TEKTL1: variants seen among roughly 807,000 people sequenced by gnomAD.
TEKTL1 encodes the protein tektin-like protein 1.
the TEKTL1 span, among the ~76,000 whole-genome samples, chr19:15,015,072 C>T: frequency 6.6e-6 from 1 of 152,236 alleles, no homozygotes; most frequent in African/African-American, 2.4e-5. Context: ...TGCCTGCAGT[C>T]CCTATTCAGG....
the TEKTL1 span, among the ~76,000 whole-genome samples, chr19:15,017,783 C>T: frequency 6.6e-6 from 1 of 152,262 alleles, no homozygotes; most frequent in East Asian, 1.9e-4. Flanking sequence ...GTTGCTGTCT[C>T]TTACTGCTCC....
At chr19:15,018,718 ATG>A in the TEKTL1 span, among the ~76,000 whole-genome samples, 287 of 109,744 alleles carry the variant, frequency 2.6e-3, 44 homozygotes, top group African/African-American at 8.4e-3. Flanking sequence ...ATCTCAAAAT[ATG>A]TATATATATA....
At chr19:15,018,504 T>C in the TEKTL1 span, among the ~76,000 whole-genome samples, 1 of 150,298 alleles carries the variant, frequency 6.7e-6, no homozygotes, top group Non-Finnish European at 1.5e-5. Context: ...AGCCCAGGAG[T>C]TTGAGACAAG....
the TEKTL1 span, among the ~76,000 whole-genome samples, chr19:15,022,489 C>A: frequency 6.6e-6 from 1 of 151,936 alleles, no homozygotes; most frequent in Non-Finnish European, 1.5e-5. Flanking sequence ...CCACCACACC[C>A]GGCTAATTTT....
chr19:15,011,756 T>G, the TEKTL1 span, among the ~76,000 whole-genome samples: 1 of 135,842 alleles, frequency 7.4e-6, no homozygotes, highest in African/African-American at 2.8e-5. Context: ...AAAAAAATAT[T>G]TCCATAGAGA....
the TEKTL1 span, chr19:15,020,559 G>A: frequency 3.1e-6 from 5 of 1,614,090 alleles, no homozygotes; most frequent in South Asian, 5.5e-5. Context: ...TTCTGGAGCA[G>A]GCCAGACGCC....
At chr19:15,023,085 C>T in the TEKTL1 span, 4 of 1,608,272 alleles carry the variant, frequency 2.5e-6, no homozygotes, top group Non-Finnish European at 2.5e-6. Flanking sequence ...CCGCGCACGC[C>T]GCCGCCGCGC....
At chr19:15,018,122 G>A in the TEKTL1 span, among the ~76,000 whole-genome samples, 1 of 152,312 alleles carries the variant, frequency 6.6e-6, no homozygotes, top group African/African-American at 2.4e-5. Flanking sequence ...GGAGGCTGAG[G>A]CGGGTGGATC....
the TEKTL1 span, chr19:15,021,255 C>G: frequency 2.0e-6 from 3 of 1,481,100 alleles, no homozygotes; most frequent in African/African-American, 1.4e-5. Flanking sequence ...ATAAAACCCC[C>G]TCGCCCAGGG....
At chr19:15,021,541 G>T in the TEKTL1 span, 2 of 1,613,570 alleles carry the variant, frequency 1.2e-6, no homozygotes, top group Non-Finnish European at 1.7e-6. Context: ...ACCTGCGGCT[G>T]CGGGCCAGGG....
the TEKTL1 span, chr19:15,021,275 A>G: frequency 6.4e-7 from 1 of 1,556,502 alleles, no homozygotes; most frequent in Non-Finnish European, 8.7e-7. Context: ...GCCCACCACC[A>G]CCTGAGAATA....
At chr19:15,011,750 AAAT>A in the TEKTL1 span, among the ~76,000 whole-genome samples, 3 of 151,430 alleles carry the variant, frequency 2.0e-5, no homozygotes, top group Admixed American at 6.6e-5. Flanking sequence ...AAAAAAAAAA[AAAT>A]ATTTCCATAG....
the TEKTL1 span, among the ~76,000 whole-genome samples, chr19:15,012,434 G>T: frequency 1.3e-5 from 2 of 152,076 alleles, no homozygotes; most frequent in South Asian, 2.1e-4. Context: ...GCATGGTGGT[G>T]CATGCCTCTA....
chr19:15,020,806 C>T, the TEKTL1 span: 1 of 673,980 alleles, frequency 1.5e-6, no homozygotes, highest in African/African-American at 1.8e-5. Context: ...GCTGAGCACA[C>T]ATTGTCACTC....
chr19:15,014,641 T>C, the TEKTL1 span, among the ~76,000 whole-genome samples: 1 of 145,064 alleles, frequency 6.9e-6, no homozygotes, highest in Admixed American at 7.0e-5. Context: ...CTCAGTAAGG[T>C]TGTGTTGACT....
At chr19:15,021,127 C>T in the TEKTL1 span, among the ~76,000 whole-genome samples, 2 of 152,172 alleles carry the variant, frequency 1.3e-5, no homozygotes, top group East Asian at 3.9e-4. Context: ...GTGATCCACC[C>T]GCCTCAGCCT....
At chr19:15,015,074 C>T in the TEKTL1 span, among the ~76,000 whole-genome samples, 14 of 152,094 alleles carry the variant, frequency 9.2e-5, no homozygotes, top group Non-Finnish European at 1.9e-4. Context: ...CCTGCAGTCC[C>T]TATTCAGGAG....
At chr19:15,022,722 GT>G in the TEKTL1 span, 2,084 of 519,444 alleles carry the variant, frequency 4.0e-3, no homozygotes, top group South Asian at 7.1e-3. Context: ...CCCTGTCGCG[GT>G]TTTTTTTTTT....
chr19:15,021,616 G>A, the TEKTL1 span: 2 of 1,614,082 alleles, frequency 1.2e-6, no homozygotes, highest in Non-Finnish European at 1.7e-6. Context: ...CTGCCCCCAG[G>A]AAAGATTAAA....
Sources: allele counts gnomAD v4.1 joint callset (sites outside exome capture counted in the v4.1 genomes callset), GRCh38; gene constraint gnomAD v4.1.1; transcripts MANE v1.5; gene names NCBI Gene and HGNC (gene_info 2026-07-23, HGNC 2026-07-21).